ZFHX3: variants seen among roughly 807,000 people sequenced by gnomAD.
The protein encoded by ZFHX3 is zinc finger homeobox 3.
A neutral mutation model predicts 279.1 loss-of-function variants in ZFHX3; 42 were observed. That is an observed-to-expected ratio of 0.15 (90% CI 0.12 to 0.19). ZFHX3 has a LOEUF of 0.19. Among genes scored for constraint, ZFHX3 ranks in the 10% least tolerant of loss-of-function variants. The pLI, the probability that ZFHX3 is intolerant of heterozygous loss-of-function variation, is 1.00. For missense variants in ZFHX3, 4,981 were observed against 4,754.0 expected (o/e 1.05, Z -1.40); for synonymous variants, 2,293 against 1,957.8 (o/e 1.17, Z -4.52).
At chr16:73,675,185 T>C (rs2052942273) in intron 2 of ZFHX3, among the ~76,000 whole-genome samples, 1 of 152,014 alleles carries the variant, frequency 6.6e-6, no homozygotes, top group Non-Finnish European at 1.5e-5. Flanking sequence ...TTGTGAGACT[T>C]TCCTGGTTCT....
intron 1 of ZFHX3, among the ~76,000 whole-genome samples, chr16:73,747,464 G>A (rs1236913159): frequency 6.6e-6 from 1 of 152,118 alleles, no homozygotes; most frequent in African/African-American, 2.4e-5. Context: ...CTCTGAGTGA[G>A]CAAGAAATAA....
intron 1 of ZFHX3, among the ~76,000 whole-genome samples, chr16:73,699,099 G>A (rs2053224191): frequency 6.6e-6 from 1 of 152,122 alleles, no homozygotes; most frequent in African/African-American, 2.4e-5. Flanking sequence ...TGACCAGGAT[G>A]GTCTCAGTCT....
intron 2 of ZFHX3, among the ~76,000 whole-genome samples, chr16:73,637,094 GA>G (rs2052533589): frequency 6.6e-6 from 1 of 151,862 alleles, no homozygotes; most frequent in Non-Finnish European, 1.5e-5. Flanking sequence ...AAATATACTT[GA>G]ATATATATAA....
chr16:72,946,865 C>A (rs985443067), intron 3 of ZFHX3, among the ~76,000 whole-genome samples: 2 of 152,164 alleles, frequency 1.3e-5, no homozygotes, highest in African/African-American at 4.8e-5. Context: ...CATGTGAAAG[C>A]AGAAGGATGA....
At chr16:73,192,372 G>C (rs1438367399) in intron 5 of ZFHX3, among the ~76,000 whole-genome samples, 7 of 152,132 alleles carry the variant, frequency 4.6e-5, no homozygotes, top group Admixed American at 3.9e-4. Flanking sequence ...TGGCTTCCTG[G>C]GATTTCTGGA....
At chr16:73,395,485 A>G (rs1358599288) in intron 3 of ZFHX3, among the ~76,000 whole-genome samples, 1 of 151,352 alleles carries the variant, frequency 6.6e-6, no homozygotes, top group East Asian at 2.0e-4. Context: ...CCAAAAACCA[A>G]TCATCTGGCC....
intron 5 of ZFHX3, among the ~76,000 whole-genome samples, chr16:73,156,318 G>C (rs1042149380): frequency 2.0e-5 from 3 of 151,576 alleles, no homozygotes; most frequent in African/African-American, 7.3e-5. Context: ...CTAGCTGATA[G>C]GTGGGTGAGT....
chr16:73,015,591 A>C (rs1175086211), intron 1 of ZFHX3: 1 of 152,216 alleles, frequency 6.6e-6, no homozygotes. Context: ...CCTTTTATCA[A>C]TTCACAAAAG....
intron 3 of ZFHX3, among the ~76,000 whole-genome samples, chr16:73,358,615 T>C (rs1223917819): frequency 6.6e-6 from 1 of 152,198 alleles, no homozygotes; most frequent in African/African-American, 2.4e-5. Context: ...AGCCACTAGG[T>C]CTTAGGGTAA....
intron 1 of ZFHX3, among the ~76,000 whole-genome samples, chr16:73,028,100 G>A (rs1029043232): frequency 4.6e-5 from 7 of 151,952 alleles, no homozygotes; most frequent in Non-Finnish European, 8.8e-5. Context: ...GATAGGACAC[G>A]GCCCCTCCGG....
chr16:72,876,593 A>G (rs532448991), intron 4 of ZFHX3, among the ~76,000 whole-genome samples: 100 of 150,436 alleles, frequency 6.6e-4, no homozygotes, highest in South Asian at 4.8e-3. Context: ...GGCATGTTGA[A>G]AAAAAAAAAA....
intron 1 of ZFHX3, among the ~76,000 whole-genome samples, chr16:73,795,569 C>T (rs1320893740): frequency 6.6e-6 from 1 of 152,176 alleles, no homozygotes; most frequent in Non-Finnish European, 1.5e-5. Flanking sequence ...AATAGAGAAC[C>T]TTTCTATCTC....
intron 3 of ZFHX3, among the ~76,000 whole-genome samples, chr16:72,898,629 AC>A (rs1364544535): frequency 6.6e-6 from 1 of 151,772 alleles, no homozygotes; most frequent in Non-Finnish European, 1.5e-5. Flanking sequence ...AACAGATTTC[AC>A]TTCCCTCTGC....
At chr16:73,619,351 G>A (rs1443958764) in intron 2 of ZFHX3, among the ~76,000 whole-genome samples, 1 of 151,800 alleles carries the variant, frequency 6.6e-6, no homozygotes, top group Admixed American at 6.6e-5. Flanking sequence ...AGCCGGGCAT[G>A]GTGGCGGGCA....
intron 1 of ZFHX3, among the ~76,000 whole-genome samples, chr16:73,848,804 G>T (rs1486069199): frequency 2.0e-5 from 3 of 152,134 alleles, no homozygotes; most frequent in African/African-American, 7.2e-5. Context: ...TAAAATTACA[G>T]GAAACTTCTT....
rs1961409885 is a variant in ZFHX3, at chr16:72,958,906, G to A, written c.1240C>T (p.Pro414Ser). The stretch of plus-strand genomic sequence containing the variant: ...GGCCCCAGGGGGACTGAGGTAATGG[G>A]GGTCTTCAGTACCGAGCTGGTGAGC... ...GGLTSSVLKT[P>S]ITSVPLGPLA... The change falls in exon 2 of 10, where the codon CCC (proline) becomes TCC (serine). Residue 414 changes from proline (P) to serine (S), a missense_variant. By Grantham distance (74) the Pro-to-Ser change is moderately conservative (BLOSUM62 -1). This residue lies in a region of ZFHX3 where 1,068 missense variants were observed against 935.2 expected (regional missense o/e 1.14). Transcript: ENST00000268489. The A allele has an allele frequency of 6.2e-7, 1 of 1,607,126 alleles. No homozygotes were observed. Among genetic ancestry groups the A allele is most frequent in the South Asian group, 1.1e-5 (1 of 89,642 alleles).
At chr16:73,006,488 T>C (rs759150427) in intron 1 of ZFHX3, among the ~76,000 whole-genome samples, 3 of 151,494 alleles carry the variant, frequency 2.0e-5, no homozygotes, top group Non-Finnish European at 2.9e-5. Flanking sequence ...CCCAGCATGG[T>C]GGTGTGTGCC....
At chr16:73,483,009 T>C (rs1180877721) in intron 2 of ZFHX3, among the ~76,000 whole-genome samples, 4 of 152,018 alleles carry the variant, frequency 2.6e-5, no homozygotes, top group East Asian at 3.9e-4. Context: ...AGAGAGAGCT[T>C]CGTAGCTAAA....
chr16:72,923,340 G>A (rs1959249806), intron 3 of ZFHX3, among the ~76,000 whole-genome samples: 1 of 151,946 alleles, frequency 6.6e-6, no homozygotes, highest in Non-Finnish European at 1.5e-5. Context: ...AGCTACTCGG[G>A]AGGCAGAGGT....
Sources: gnomAD v4.1 joint callset for allele counts (sites outside exome capture counted in the v4.1 genomes callset) on GRCh38, gnomAD v4.1.1 for gene constraint, gnomAD v4.1.1 regional missense constraint, MANE v1.5 for transcripts, NCBI Gene and HGNC (gene_info 2026-07-23, HGNC 2026-07-21) for gene names.